The following EYA2 variants were observed in gnomAD, a reference collection of about 807,000 sequenced individuals.
The protein encoded by EYA2 is protein phosphatase EYA2.
EYA2 carries 31 observed loss-of-function variants against 69.2 expected under a neutral mutation model. The ratio of observed to expected loss-of-function variants is 0.45; its 90% confidence interval spans 0.34 to 0.60. The LOEUF is 0.60. EYA2 is among the 20% of genes least tolerant of loss of function. The pLI is 0.02. For synonymous variants in EYA2, 257 were observed against 279.4 expected, an observed-to-expected ratio of 0.92 and a Z score of 0.80; for missense variants, 622 against 701.2, an observed-to-expected ratio of 0.89 and a Z score of 1.28.
chr20:46,934,853 A>T (rs377550897), intron 1 of EYA2, among the ~76,000 whole-genome samples: 2 of 152,208 alleles, frequency 1.3e-5, no homozygotes, highest in East Asian at 3.8e-4. Flanking sequence ...AGGTTGGAGG[A>T]TTGAGCAGAG....
At chr20:47,055,968 C>T (rs984893859) in intron 5 of EYA2, among the ~76,000 whole-genome samples, 23 of 152,176 alleles carry the variant, frequency 1.5e-4, no homozygotes, top group African/African-American at 4.3e-4. Flanking sequence ...CTGCTGCCCC[C>T]GCCACCCCTG....
At chr20:47,011,123 A>G (rs939697912) in intron 4 of EYA2, among the ~76,000 whole-genome samples, 10 of 152,122 alleles carry the variant, frequency 6.6e-5, no homozygotes, top group African/African-American at 2.4e-4. Context: ...GAATCATTAT[A>G]TGGATGGTGC....
chr20:46,946,708 A>G (rs1978479889), intron 1 of EYA2, among the ~76,000 whole-genome samples: 2 of 150,610 alleles, frequency 1.3e-5, no homozygotes. Context: ...TAACTGAATA[A>G]AACTTTATAT....
rs143224719 is a variant in EYA2, at chr20:46,975,175, G to A, written c.-10-14826G>A. 5.6e-3 allele frequency among the ~76,000 whole-genome samples: 849 copies of A among 152,214 alleles called. 8 individuals carry two copies. Among genetic ancestry groups the A allele is most frequent in the Non-Finnish European group, 6.0e-3 (408 of 68,016 alleles). ...TGATGGAATCGTTCTCTAGATTGCCGTGGTGGTTACGCAGAGCTGCATGTG... is the reference window on the plus strand; with the variant it reads ...TGATGGAATCGTTCTCTAGATTGCCATGGTGGTTACGCAGAGCTGCATGTG... On this transcript the variant is annotated intron_variant, in intron 1 of 15. Coordinates refer to ENST00000327619, the MANE Select transcript of EYA2 (RefSeq NM_005244.5).
At chr20:46,934,123 G>A (rs1203101355) in intron 1 of EYA2, among the ~76,000 whole-genome samples, 2 of 152,236 alleles carry the variant, frequency 1.3e-5, no homozygotes, top group Non-Finnish European at 2.9e-5. Context: ...TGACAGTGGA[G>A]TGTCTGCATT....
At chr20:47,094,351 A>G (rs951220354) in intron 8 of EYA2, among the ~76,000 whole-genome samples, 1 of 152,238 alleles carries the variant, frequency 6.6e-6, no homozygotes, top group African/African-American at 2.4e-5. Context: ...CTGATTTTCA[A>G]ACATTTTTAC....
intron 5 of EYA2, among the ~76,000 whole-genome samples, chr20:47,031,590 T>C (rs1984419436): frequency 6.6e-6 from 1 of 152,144 alleles, no homozygotes. Context: ...TTCAGAAAAT[T>C]CTAGAATTAT....
At chr20:47,010,063 CTTTG>C (rs1195483036) in intron 4 of EYA2, among the ~76,000 whole-genome samples, 4 of 152,138 alleles carry the variant, frequency 2.6e-5, no homozygotes, top group African/African-American at 7.2e-5. Context: ...TCTTTTAGGG[CTTTG>C]TTTGTTTCTC....
At chr20:47,038,454 G>T (rs1255646893) in intron 5 of EYA2, among the ~76,000 whole-genome samples, 1 of 152,180 alleles carries the variant, frequency 6.6e-6, no homozygotes, top group Non-Finnish European at 1.5e-5. Flanking sequence ...TCGCACCATG[G>T]CACTCCAGCC....
intron 10 of EYA2, among the ~76,000 whole-genome samples, chr20:47,152,624 AACATGGTGAAACC>A (rs1215559995): frequency 1.3e-5 from 2 of 151,692 alleles, no homozygotes; most frequent in Non-Finnish European, 2.9e-5. Context: ...CAGCCTGGCC[AACATGGTGAAACC>A]CCGTCTCTAC....
intron 7 of EYA2, among the ~76,000 whole-genome samples, chr20:47,088,528 C>G (rs1430613660): frequency 2.0e-5 from 3 of 152,144 alleles, no homozygotes; most frequent in Non-Finnish European, 4.4e-5. Context: ...CCCTGACTAG[C>G]CCCATATAAA....
At chr20:47,018,100 T>A (rs1000603915) in intron 5 of EYA2, among the ~76,000 whole-genome samples, 3 of 152,160 alleles carry the variant, frequency 2.0e-5, no homozygotes, top group Non-Finnish European at 4.4e-5. Context: ...ACAGGAGGTG[T>A]GTGAAGGTAC....
intron 14 of EYA2, among the ~76,000 whole-genome samples, chr20:47,181,186 C>G (rs534651679): frequency 6.6e-6 from 1 of 152,276 alleles, no homozygotes; most frequent in East Asian, 1.9e-4. Context: ...GCTGCTGTAA[C>G]AAACACACCC....
chr20:46,958,463 G>A (rs1480411302), intron 1 of EYA2, among the ~76,000 whole-genome samples: 1 of 151,882 alleles, frequency 6.6e-6, no homozygotes, highest in Non-Finnish European at 1.5e-5. Context: ...AAAAAAACAT[G>A]AACATGTTAT....
At chr20:46,927,428 C>T (rs544573032) in intron 1 of EYA2, among the ~76,000 whole-genome samples, 11 of 152,280 alleles carry the variant, frequency 7.2e-5, no homozygotes, top group African/African-American at 2.6e-4. Flanking sequence ...TCTCACGCTG[C>T]TAATAAATAC....
At chr20:47,080,972 A>T (rs561412319) in intron 7 of EYA2, among the ~76,000 whole-genome samples, 3 of 152,002 alleles carry the variant, frequency 2.0e-5, no homozygotes, top group Non-Finnish European at 4.4e-5. Context: ...GGCTCAAGCA[A>T]TCCTCCCTCA....
chr20:46,987,499 C>A (rs1333927544), intron 1 of EYA2, among the ~76,000 whole-genome samples: 1 of 152,158 alleles, frequency 6.6e-6, no homozygotes, highest in Non-Finnish European at 1.5e-5. Context: ...CCTCCTACCC[C>A]CAGAGTTAGC....
chr20:47,119,649 CTGGGGGTAGTGGGGAA>C (rs1336632130), intron 9 of EYA2, among the ~76,000 whole-genome samples: 4 of 152,116 alleles, frequency 2.6e-5, no homozygotes, highest in African/African-American at 9.7e-5. Flanking sequence ...TTACTAGGGA[CTGGGGGTAGTGGGGAA>C]TGGGGAGTAA....
intron 2 of EYA2, 21 bp from the exon 3 acceptor site, chr20:47,001,407 A>ATTTTTCT: frequency 6.2e-7 from 1 of 1,613,266 alleles, no homozygotes; most frequent in South Asian, 1.1e-5. Context: ...AACTCTTCCA[A>ATTTTTCT]TTTTTCTTTT....
Sources: allele counts gnomAD v4.1 joint callset (sites outside exome capture counted in the v4.1 genomes callset), GRCh38; gene constraint gnomAD v4.1.1; transcripts MANE v1.5; gene names NCBI Gene and HGNC (gene_info 2026-07-23, HGNC 2026-07-21).